C6: variants seen among roughly 807,000 people sequenced by gnomAD.
The protein encoded by C6 is complement C6, also known as complement component C6.
Under a neutral mutation model 112.9 loss-of-function variants are expected in C6, and 101 were observed. The observed-to-expected ratio is 0.89, with a 90% confidence interval of 0.76 to 1.06. The LOEUF (loss-of-function observed/expected upper bound fraction) is 1.06, where lower values mean the gene tolerates loss of function less well. Among genes scored for constraint, C6 ranks in the 50% least tolerant of loss-of-function variants. C6 has a pLI of 0.00. For missense variants in C6, 1,202 were observed against 1,104.6 expected, an observed-to-expected ratio of 1.09 and a Z score of -1.25; for synonymous variants, 431 against 384.1, an observed-to-expected ratio of 1.12 and a Z score of -1.43.
chr5:41,196,133 C>T (rs1750601304), intron 4 of C6, among the ~76,000 whole-genome samples, 200 bp from the exon 5 acceptor site: 1 of 152,056 alleles, frequency 6.6e-6, no homozygotes, highest in South Asian at 2.1e-4. Context: ...AGGGTCACCA[C>T]AGAATTATTT....
In C6 at chr5:41,176,686, C is replaced by A; in HGVS notation, c.957G>T (p.Val319=). Residue 319 remains valine (V), a synonymous_variant, in exon 8 of 18, where the codon GTG becomes GTT. Transcript: ENST00000337836. ...KDSSFIRIHK[V]MKVLNFTTKA... ...TCGTTGTGAAGTTTAAGACTTTCAT[C>A]ACTTTATGGATCCTAATAAAACTAG... 6.2e-7 allele frequency: 1 copy of A among 1,612,220 alleles called. No homozygotes were observed. The highest frequency in any genetic ancestry group is 1.1e-5 in the South Asian group (1 of 90,990).
Position 41,165,363 on chromosome 5 carries a change from T to C in C6, c.1292-3504A>G, listed in dbSNP as rs952169635. ...CACTTTAGTAGATATTGCCAAATAGTTTCCAAAATGGTATTACCAATTTAT... is the reference window on the plus strand; with the variant it reads ...CACTTTAGTAGATATTGCCAAATAGCTTCCAAAATGGTATTACCAATTTAT... On this transcript the variant is annotated intron_variant, in intron 9 of 17. Coordinates refer to ENST00000337836, the MANE Select transcript of C6 (RefSeq NM_000065.5). Among the ~76,000 whole-genome samples the C allele has an allele frequency of 3.9e-5, 6 of 152,288 alleles. No homozygotes were observed. The South Asian group carries it at 8.3e-4, about 21-fold the overall frequency.
intron 1 of C6, among the ~76,000 whole-genome samples, chr5:41,245,514 A>G (rs1252816775): frequency 6.6e-6 from 1 of 152,158 alleles, no homozygotes. Flanking sequence ...AGAAAAAAAA[A>G]AATTTAACAA....
chr5:41,217,692 G>C (rs188787745), upstream of C6, among the ~76,000 whole-genome samples: 444 of 152,176 alleles, frequency 2.9e-3, no homozygotes, highest in Non-Finnish European at 4.2e-3. Context: ...ATCTAAAACT[G>C]GTCTAACATA....
rs1750569513 is a variant in C6 at position 41,195,822 on chromosome 5, G to T, written c.557C>A (p.Pro186His). 1 of 1,613,680 alleles carries T rather than the reference G, an allele frequency of 6.2e-7. No individual in the cohort carries two copies. The highest frequency in any genetic ancestry group is 8.5e-7 in the Non-Finnish European group (1 of 1,179,876). ...GCCCATCAACTGTACACTAGGGATG[G>T]GATTATACTTCCGTGTGCATACTGC... ...TKAVCTRKYN[P>H]IPSVQLMGNG... The change falls in exon 5 of 18, where the codon CCC (proline) becomes CAC (histidine). Residue 186 changes from proline to histidine, a missense_variant. Transcript: ENST00000337836.
At chr5:41,185,469 T>C (rs1223816773) in intron 6 of C6, among the ~76,000 whole-genome samples, 3 of 152,202 alleles carry the variant, frequency 2.0e-5, no homozygotes, top group East Asian at 3.8e-4. Flanking sequence ...AAGAAGCAGA[T>C]TACTCACTTT....
chr5:41,164,943 G>A (rs930618170), intron 9 of C6, among the ~76,000 whole-genome samples: 5 of 152,058 alleles, frequency 3.3e-5, no homozygotes, highest in African/African-American at 1.2e-4. Flanking sequence ...GCCCACGCCT[G>A]GAAATAGAAC....
chr5:41,176,580 T>C lies in C6; in HGVS notation c.1063A>G (p.Ser355Gly). 4 of 1,613,968 alleles carry C rather than the reference T, an allele frequency of 2.5e-6. No homozygotes were observed. Among genetic ancestry groups the C allele is most frequent in the Non-Finnish European group, 3.4e-6 (4 of 1,179,892 alleles). ...LPLEYNSALY[S>G]RIFDDFGTHY... The stretch of plus-strand genomic sequence containing the variant: ...GTCCCAAAGTCATCGAATATTCGGC[T>C]GTACAAAGCAGAGTTGTATTCTAGA... Residue 355 changes from serine (S) to glycine (G), a missense_variant, in exon 8 of 18, where the codon AGC becomes GGC. Coordinates refer to ENST00000337836, the MANE Select transcript of C6 (RefSeq NM_000065.5).
Position 41,150,693 on chromosome 5 carries a change from C to T in C6, c.2291-668G>A, listed in dbSNP as rs550477063. On this transcript the variant is annotated intron_variant, in intron 15 of 17. Coordinates refer to ENST00000337836, the MANE Select transcript of C6 (RefSeq NM_000065.5). Reference sequence around the variant, plus strand: ...CACAAGGTCAGGAGTTCGAGAACAGCCTGGTCAATATGGCGAAACCCCATC... The same window carrying T: ...CACAAGGTCAGGAGTTCGAGAACAGTCTGGTCAATATGGCGAAACCCCATC... 3.3e-5 allele frequency among the ~76,000 whole-genome samples: 5 copies of T among 152,016 alleles called. No homozygotes were observed. The South Asian group carries it at 1.0e-3, about 32-fold the overall frequency.
rs77530087 is a variant in C6, at chr5:41,257,533, C to A, written c.-21+3661G>T. Among the ~76,000 whole-genome samples, 240 of 151,928 alleles carry A rather than the reference C, an allele frequency of 1.6e-3. 12 individuals are homozygous for A. In the East Asian group the frequency reaches 0.044, roughly 28 times the overall value. Reference sequence around the variant, plus strand: ...TGACTTATTTTTTGGGGATACATACCCAGCAATAGGACTGCTGGGTTGAAT... The same window carrying A: ...TGACTTATTTTTTGGGGATACATACACAGCAATAGGACTGCTGGGTTGAAT... On this transcript the variant is annotated intron_variant, in intron 1 of 17. Transcript: ENST00000263413.
At chr5:41,249,518 G>C (rs1231957150) in intron 1 of C6, among the ~76,000 whole-genome samples, 3 of 152,170 alleles carry the variant, frequency 2.0e-5, no homozygotes, top group Non-Finnish European at 4.4e-5. Context: ...AATTTTGAGA[G>C]CCACAGAGGA....
intron 1 of C6, among the ~76,000 whole-genome samples, chr5:41,234,637 G>A (rs1427112099): frequency 6.6e-6 from 1 of 152,052 alleles, no homozygotes; most frequent in East Asian, 1.9e-4. Flanking sequence ...TGAACCAATT[G>A]CCTAGTTCCT....
chr5:41,177,097 G>A (rs1325804328), intron 7 of C6, among the ~76,000 whole-genome samples: 1 of 152,168 alleles, frequency 6.6e-6, no homozygotes, highest in Non-Finnish European at 1.5e-5. Flanking sequence ...TGTGCATTTT[G>A]AACTGGAAGT....
intron 5 of C6, among the ~76,000 whole-genome samples, chr5:41,186,546 A>T (rs1749782435): frequency 6.6e-6 from 1 of 152,172 alleles, no homozygotes; most frequent in Admixed American, 6.6e-5. Flanking sequence ...ATAAGTTATT[A>T]TATAATAAAT....
At chr5:41,212,172 A>G (rs1388091533) in intron 1 of C6, among the ~76,000 whole-genome samples, 3 of 151,906 alleles carry the variant, frequency 2.0e-5, no homozygotes, top group Non-Finnish European at 2.9e-5. Flanking sequence ...TTATTTATTT[A>G]TTTTTTTGAG....
chr5:41,214,976 C>T (rs1752145921), upstream of C6, among the ~76,000 whole-genome samples: 3 of 151,986 alleles, frequency 2.0e-5, no homozygotes, highest in African/African-American at 7.2e-5. Flanking sequence ...TGTCTGTGAT[C>T]CAAACACTAG....
At chr5:41,193,370 CCTCCT>C (rs1750364807) in intron 5 of C6, among the ~76,000 whole-genome samples, 1 of 152,116 alleles carries the variant, frequency 6.6e-6, no homozygotes, top group African/African-American at 2.4e-5. Context: ...TTCTTTCCTT[CCTCCT>C]CTCAGATGTT....
At chr5:41,198,630 C>A (rs1046556746) in intron 4 of C6, among the ~76,000 whole-genome samples, 1 of 152,108 alleles carries the variant, frequency 6.6e-6, no homozygotes, top group Non-Finnish European at 1.5e-5. Context: ...ATCAGCTGTG[C>A]TTACACTGCT....
At chr5:41,200,891 G>T (rs112437106) in intron 3 of C6, among the ~76,000 whole-genome samples, 61 of 70,624 alleles carry the variant, frequency 8.6e-4, no homozygotes, top group South Asian at 2.5e-3. Context: ...TGTTGTTGTT[G>T]TTTTTTTTTT....
Sources: gnomAD v4.1 joint callset for allele counts (sites outside exome capture counted in the v4.1 genomes callset) on GRCh38, gnomAD v4.1.1 for gene constraint, MANE v1.5 for transcripts, NCBI Gene and HGNC (gene_info 2026-07-23, HGNC 2026-07-21) for gene names.